Variants in KCNK2 observed in about 807,000 individuals in gnomAD.
The protein encoded by KCNK2 is potassium channel subfamily K member 2.
Under a neutral mutation model 40.5 loss-of-function variants are expected in KCNK2, and 21 were observed. The observed-to-expected ratio is 0.52, with a 90% CI of 0.37 to 0.75. The LOEUF (loss-of-function observed/expected upper bound fraction) is 0.75, where lower values mean the gene tolerates loss of function less well. KCNK2 is among the 30% of genes least tolerant of loss of function. KCNK2 has a pLI of 0.00. For missense variants in KCNK2, 399 were observed against 531.6 expected (o/e 0.75, Z 2.45); for synonymous variants, 191 against 202.2 (o/e 0.94, Z 0.47).
At chr1:215,080,620 A>C (rs1659117583), upstream of KCNK2, among the ~76,000 whole-genome samples, 1 of 152,202 alleles carries the variant, frequency 6.6e-6, no homozygotes, top group South Asian at 2.1e-4. Context: ...TATGGTGAAC[A>C]GAGAGATATG....
intron 1 of KCNK2, among the ~76,000 whole-genome samples, chr1:215,084,470 G>C (rs1247083203): frequency 1.3e-5 from 2 of 152,122 alleles, no homozygotes; most frequent in Non-Finnish European, 1.5e-5. Flanking sequence ...TGTTGTTTTT[G>C]TTCCAAAGAT....
intron 6 of KCNK2, among the ~76,000 whole-genome samples, chr1:215,223,971 G>T (rs1161507723): frequency 6.6e-6 from 1 of 152,250 alleles, no homozygotes; most frequent in Admixed American, 6.5e-5. Flanking sequence ...ACAAAGCTTT[G>T]GATGGCTCTG....
At chr1:215,172,494 C>A (rs989619042) in intron 5 of KCNK2, among the ~76,000 whole-genome samples, 2 of 152,166 alleles carry the variant, frequency 1.3e-5, no homozygotes, top group African/African-American at 4.8e-5. Context: ...ATCTCTACCT[C>A]CTTCAACACA....
At chr1:215,147,454 A>G (rs1571664848) in intron 3 of KCNK2, among the ~76,000 whole-genome samples, 1 of 152,144 alleles carries the variant, frequency 6.6e-6, no homozygotes, top group East Asian at 1.9e-4. Context: ...TTAGAATCAT[A>G]TTTTTCTGGA....
chr1:215,203,348 C>T (rs1303726344), intron 6 of KCNK2, among the ~76,000 whole-genome samples: 2 of 151,990 alleles, frequency 1.3e-5, no homozygotes, highest in East Asian at 3.9e-4. Flanking sequence ...CTTTTGAATC[C>T]CTATTTCTTT....
At chr1:215,199,245 G>T (rs1337477148) in intron 6 of KCNK2, among the ~76,000 whole-genome samples, 2 of 151,928 alleles carry the variant, frequency 1.3e-5, no homozygotes, top group African/African-American at 4.8e-5. Context: ...GGAGGCAGAG[G>T]TTCCAGTGAG....
chr1:215,008,351 A>G (rs1333987309), intron 1 of KCNK2, among the ~76,000 whole-genome samples: 1 of 152,154 alleles, frequency 6.6e-6, no homozygotes, highest in Non-Finnish European at 1.5e-5. Context: ...CTATAGCCAG[A>G]GCCATCTAAA....
rs1469045283 is a variant in KCNK2 at position 215,044,009 on chromosome 1, A to G, written c.34+38054A>G. ...TCCAAAAGATATAGAAAATAAGGGG[A>G]TCAAACAAAGATAACAAATAAGAAT... On this transcript the variant is annotated intron_variant, in intron 1 of 6. Transcript: ENST00000391895. Among the ~76,000 whole-genome samples the G allele has an allele frequency of 1.3e-5, 2 of 152,172 alleles. 1 individual carries two copies. The highest frequency in any genetic ancestry group is 2.9e-5 in the Non-Finnish European group (2 of 68,024).
chr1:215,160,360 T>A (rs1366884879), intron 3 of KCNK2, among the ~76,000 whole-genome samples: 3 of 152,198 alleles, frequency 2.0e-5, no homozygotes, highest in Non-Finnish European at 2.9e-5. Context: ...TATTAACATG[T>A]ACAGGAAGCA....
intron 6 of KCNK2, among the ~76,000 whole-genome samples, chr1:215,204,491 G>T (rs1462434137): frequency 2.0e-5 from 3 of 152,122 alleles, no homozygotes; most frequent in Non-Finnish European, 4.4e-5. Context: ...TGAGGATTTA[G>T]TGCATCAAGA....
Position 215,065,966 on chromosome 1 carries a change from A to G in KCNK2, c.35-20402A>G, listed in dbSNP as rs140153934. 1.2e-3 allele frequency among the ~76,000 whole-genome samples: 179 copies of G among 152,280 alleles called. No individual in the cohort carries two copies. In the Middle Eastern group the frequency reaches 0.014, roughly 12 times the overall value. On this transcript the variant is annotated intron_variant, in intron 1 of 6. Coordinates refer to the KCNK2 transcript ENST00000391895. ...GGCAACATGGTAAGACTGTCTCTAAAAAAATTGATGAAGCTGGAAGCCATC... is the reference window on the plus strand; with the variant it reads ...GGCAACATGGTAAGACTGTCTCTAAGAAAATTGATGAAGCTGGAAGCCATC...
intron 1 of KCNK2, among the ~76,000 whole-genome samples, chr1:215,055,237 C>T (rs1252109590): frequency 2.0e-5 from 3 of 152,136 alleles, no homozygotes; most frequent in Admixed American, 2.0e-4. Flanking sequence ...GTTCATGGCA[C>T]CTTTACACGA....
chr1:215,058,264 CTTCCTTTT>C (rs1037625588), intron 1 of KCNK2, among the ~76,000 whole-genome samples: 1 of 152,118 alleles, frequency 6.6e-6, no homozygotes, highest in African/African-American at 2.4e-5. Context: ...CTTTTTCCCT[CTTCCTTTT>C]TTCCTTTTAG....
At chr1:215,230,490 C>T (rs1210753471) in intron 6 of KCNK2, among the ~76,000 whole-genome samples, 4 of 130,040 alleles carry the variant, frequency 3.1e-5, no homozygotes, top group South Asian at 2.6e-4. Flanking sequence ...CACACACACA[C>T]ACACACACAC....
chr1:215,178,636 T>G (rs1037411378), intron 5 of KCNK2, among the ~76,000 whole-genome samples: 3 of 152,208 alleles, frequency 2.0e-5, no homozygotes, highest in Admixed American at 6.5e-5. Context: ...TTGTTTTTAA[T>G]TCCATTTATG....
chr1:215,173,899 A>T (rs1460290109), intron 5 of KCNK2, among the ~76,000 whole-genome samples: 1 of 152,168 alleles, frequency 6.6e-6, no homozygotes, highest in Non-Finnish European at 1.5e-5. Context: ...GATTGCAAAA[A>T]TGTTCTCCCA....
intron 5 of KCNK2, among the ~76,000 whole-genome samples, chr1:215,189,612 T>A (rs1664584319): frequency 6.6e-6 from 1 of 152,150 alleles, no homozygotes; most frequent in Non-Finnish European, 1.5e-5. Flanking sequence ...AAATGACACC[T>A]TTTTTGGCAT....
chr1:215,107,869 G>A (rs1660503423), intron 2 of KCNK2, among the ~76,000 whole-genome samples: 1 of 152,060 alleles, frequency 6.6e-6, no homozygotes, highest in African/African-American at 2.4e-5. Flanking sequence ...AATAAAAACA[G>A]CACAGTATAA....
intron 2 of KCNK2, among the ~76,000 whole-genome samples, chr1:215,090,810 T>A (rs893944562): frequency 3.9e-5 from 6 of 152,180 alleles, no homozygotes; most frequent in Admixed American, 2.0e-4. Flanking sequence ...GAAACTGACA[T>A]GTTTGGACAA....
Sources: gnomAD v4.1 joint callset for allele counts (sites outside exome capture counted in the v4.1 genomes callset) on GRCh38, gnomAD v4.1.1 for gene constraint, MANE v1.5 for transcripts, NCBI Gene and HGNC (gene_info 2026-07-23, HGNC 2026-07-21) for gene names.